The following HIBCH variants were observed in gnomAD, a reference collection of about 807,000 sequenced individuals.
The protein encoded by HIBCH is 3-hydroxyisobutyryl-CoA hydrolase, mitochondrial.
A neutral mutation model predicts 58.2 loss-of-function variants in HIBCH; 50 were observed. That is an observed-to-expected ratio of 0.86 (90% CI 0.68 to 1.09). The LOEUF (loss-of-function observed/expected upper bound fraction) is 1.09, where lower values mean the gene tolerates loss of function less well. HIBCH is among the 50% of genes least tolerant of loss of function. The pLI, the probability that HIBCH is intolerant of heterozygous loss-of-function variation, is 0.00. For missense variants in HIBCH, 450 were observed against 449.7 expected (o/e 1.00, Z -0.01); for synonymous variants, 151 against 146.9 (o/e 1.03, Z -0.20).
At chr2:190,223,915 G>C (rs1685807255) in intron 11 of HIBCH, among the ~76,000 whole-genome samples, 1 of 152,252 alleles carries the variant, frequency 6.6e-6, no homozygotes, top group Non-Finnish European at 1.5e-5. Flanking sequence ...TTGTCAGACA[G>C]TGGGTGCAGT....
intron 3 of HIBCH, among the ~76,000 whole-genome samples, chr2:190,295,676 G>A (rs1302810686): frequency 6.6e-6 from 1 of 152,214 alleles, no homozygotes; most frequent in East Asian, 1.9e-4. Context: ...TACATTAATA[G>A]AGATGTTATT....
At position 190,206,853 on chromosome 2, in the gene HIBCH, C is replaced by T. The variant is rs1029433676; in HGVS notation, c.1046-1621G>A. On this transcript the variant is annotated intron_variant, in intron 13 of 13. Transcript: ENST00000359678. This position sits in a 1 kb window ranked among gnomAD's most constrained non-coding sequence, Gnocchi z 5.1. The stretch of plus-strand genomic sequence containing the variant: ...ATTAAAAAGTAGCATAGGCCAGGCG[C>T]GGTGGCTCAGGCCTATAATCCCAGC... Among the ~76,000 whole-genome samples the T allele has an allele frequency of 5.3e-5, 8 of 152,142 alleles. No homozygotes were observed. Among genetic ancestry groups the T allele is most frequent in the Non-Finnish European group, 8.8e-5 (6 of 68,010 alleles).
intron 2 of HIBCH, among the ~76,000 whole-genome samples, chr2:190,298,114 C>T (rs1022621112): frequency 2.6e-4 from 39 of 152,136 alleles, no homozygotes; most frequent in African/African-American, 9.4e-4. Context: ...CATAGTATTC[C>T]ATGGTGTATA....
At chr2:190,220,039 T>C (rs1327085159) in intron 11 of HIBCH, among the ~76,000 whole-genome samples, 1 of 152,200 alleles carries the variant, frequency 6.6e-6, no homozygotes, top group Non-Finnish European at 1.5e-5. Flanking sequence ...ACAGCACTTG[T>C]TTACAGCATT....
chr2:190,288,165 T>C (rs1575750760), intron 5 of HIBCH, among the ~76,000 whole-genome samples: 1 of 4,988 alleles, frequency 2.0e-4, no homozygotes, highest in Admixed American at 3.1e-3. Flanking sequence ...TCTTTTTTTT[T>C]TTTTTTTTTA....
chr2:190,200,413 C>T, downstream of HIBCH: 1 of 356,788 alleles, frequency 2.8e-6, no homozygotes, highest in Non-Finnish European at 5.4e-6. Flanking sequence ...AATGTCACAG[C>T]ACTTCTTCCT....
chr2:190,226,282 TAA>T (rs200687268), intron 11 of HIBCH, among the ~76,000 whole-genome samples: 2 of 133,042 alleles, frequency 1.5e-5, no homozygotes, highest in Admixed American at 7.3e-5. Context: ...GAGAAAGAAA[TAA>T]AGGTATTCAA....
At chr2:190,231,679 G>A (rs969317298) in intron 11 of HIBCH, among the ~76,000 whole-genome samples, 11 of 152,054 alleles carry the variant, frequency 7.2e-5, no homozygotes, top group African/African-American at 2.7e-4. Context: ...GTGCTAGCCA[G>A]TATAGGAAGC....
At chr2:190,226,394 G>T (rs1327571785) in intron 11 of HIBCH, among the ~76,000 whole-genome samples, 1 of 152,070 alleles carries the variant, frequency 6.6e-6, no homozygotes, top group South Asian at 2.1e-4. Context: ...TCAGGAGTTC[G>T]AGACCAGCCT....
chr2:190,302,888 G>C (rs1688303683), intron 2 of HIBCH, among the ~76,000 whole-genome samples: 1 of 152,226 alleles, frequency 6.6e-6, no homozygotes, highest in Non-Finnish European at 1.5e-5. Flanking sequence ...ACTGAAAACT[G>C]TATGGATGAT....
rs1214895946 is a variant in HIBCH, at chr2:190,207,947, A to C, written c.1045+933T>G. 6.6e-6 allele frequency among the ~76,000 whole-genome samples: 1 copy of C among 152,182 alleles called. No homozygotes were observed. The highest frequency in any genetic ancestry group is 1.5e-5 in the Non-Finnish European group (1 of 68,036). On this transcript the variant is annotated intron_variant, in intron 13 of 13. Transcript: ENST00000359678. The surrounding 1 kb of genome is among the most constrained non-coding windows in gnomAD (Gnocchi z 4.5). The stretch of plus-strand genomic sequence containing the variant: ...GAGTCTGCACTATAGTAAAATAATT[A>C]ATAAAAACAGGAACATTAGATATGC...
At chr2:190,256,238 C>T (rs1686918484) in intron 7 of HIBCH, among the ~76,000 whole-genome samples, 1 of 152,020 alleles carries the variant, frequency 6.6e-6, no homozygotes, top group Non-Finnish European at 1.5e-5. Flanking sequence ...CATATCACTA[C>T]ATGAGACTAA....
At chr2:190,228,217 A>T (rs1411913594) in intron 11 of HIBCH, among the ~76,000 whole-genome samples, 1 of 152,182 alleles carries the variant, frequency 6.6e-6, no homozygotes, top group Non-Finnish European at 1.5e-5. Flanking sequence ...AATACTATGC[A>T]GCCATAAAAA....
At chr2:190,248,884 A>C (rs1329686926) in intron 9 of HIBCH, among the ~76,000 whole-genome samples, 1 of 152,016 alleles carries the variant, frequency 6.6e-6, no homozygotes. Context: ...AAAACAAAAA[A>C]AAAACTTATA....
chr2:190,216,003 GA>G lies in HIBCH; in HGVS notation c.892-2929del, dbSNP rs1690619450. On this transcript the variant is annotated intron_variant, in intron 11 of 13. Coordinates refer to ENST00000359678, the MANE Select transcript of HIBCH (RefSeq NM_014362.4). This position sits in a 1 kb window ranked among gnomAD's most constrained non-coding sequence, Gnocchi z 4.2. ...AGTTTGAGGGAAAAAGGAAACAGGG[GA>G]TGACAGAAAGAGAAATAAAAGAAGA... 2.0e-5 allele frequency: 3 copies of G among 152,654 alleles called. No individual in the cohort carries two copies. Among genetic ancestry groups the G allele is most frequent in the African/African-American group, 7.2e-5 (3 of 41,536 alleles). 9.5% of individuals were successfully genotyped at this position (152,654 alleles called of 1,614,324 possible). A position where few individuals can be genotyped will look rare whatever the true frequency, so the allele number is the denominator to read the frequency against.
rs569451625 is a variant in HIBCH at position 190,239,383 on chromosome 2, T to C, written c.891+5504A>G. Among the ~76,000 whole-genome samples the C allele has an allele frequency of 1.3e-3, 199 of 152,298 alleles. 1 individual carries two copies. Among genetic ancestry groups the C allele is most frequent in the South Asian group, 9.7e-3 (47 of 4,824 alleles). The stretch of plus-strand genomic sequence containing the variant: ...GGTTACTCTAGCCTTGTAGTATAAT[T>C]TGAAGTCAGGTAGCATGATGCCTCC... On this transcript the variant is annotated intron_variant, in intron 11 of 13. Coordinates refer to ENST00000359678, the MANE Select transcript of HIBCH (RefSeq NM_014362.4).
intron 8 of HIBCH, chr2:190,250,125 C>T (rs1422223387): frequency 1.2e-5 from 3 of 248,680 alleles, no homozygotes; most frequent in Non-Finnish European, 2.4e-5. Flanking sequence ...CCATCTAATC[C>T]CTCACTTAAT....
rs187958344 is a variant in HIBCH at position 190,308,800 on chromosome 2, C to T, written c.78+1954G>A. On this transcript the variant is annotated intron_variant, in intron 2 of 13. Transcript: ENST00000359678. ...GGAAGGGATATGCCAGGCTTCGTAT[C>T]CCCATCTCCACTTAGGCTTAACAGA... Among the ~76,000 whole-genome samples, 192 of 152,322 alleles carry T rather than the reference C, an allele frequency of 1.3e-3. 1 individual carries two copies. Among genetic ancestry groups the T allele is most frequent in the South Asian group, 8.5e-3 (41 of 4,824 alleles).
chr2:190,296,989 C>G (rs143925978), intron 2 of HIBCH, 36 bp from the exon 3 acceptor site: 1 of 1,607,292 alleles, frequency 6.2e-7, no homozygotes, highest in African/African-American at 1.3e-5. Context: ...GACAAAATTT[C>G]TTAAGTTTTT....
Sources: allele counts gnomAD v4.1 joint callset (sites outside exome capture counted in the v4.1 genomes callset), GRCh38; gene constraint gnomAD v4.1.1; non-coding constraint Gnocchi (gnomAD v3.1); transcripts MANE v1.5; gene names NCBI Gene and HGNC (gene_info 2026-07-23, HGNC 2026-07-21).